Variants in MACROD2 observed in about 807,000 individuals in gnomAD.
MACROD2 encodes mono-ADP ribosylhydrolase 2.
MACROD2 carries 36 observed loss-of-function variants against 70.4 expected under a neutral mutation model. The observed-to-expected ratio is 0.51, with a 90% CI of 0.39 to 0.68. MACROD2 has a LOEUF of 0.68. MACROD2 is among the 30% of genes least tolerant of loss of function. The probability of loss-of-function intolerance (pLI) is 0.00; values close to 1 mark genes in which losing one functional copy is unlikely to be tolerated. For synonymous variants in MACROD2, 172 were observed against 178.8 expected, an observed-to-expected ratio of 0.96 and a Z score of 0.30; for missense variants, 496 against 538.4, an observed-to-expected ratio of 0.92 and a Z score of 0.78.
intron 3 of MACROD2, chr20:14,127,610 C>A: frequency 2.2e-6 from 1 of 446,044 alleles, no homozygotes; most frequent in South Asian, 3.0e-5. Flanking sequence ...TGAATTGAAA[C>A]AAGAGCTAAT....
chr20:15,539,874 G>A (rs1049100828), intron 8 of MACROD2, among the ~76,000 whole-genome samples: 2 of 152,196 alleles, frequency 1.3e-5, no homozygotes, highest in African/African-American at 4.8e-5. Context: ...TGTAGTCCCA[G>A]CTACTTGGGA....
intron 8 of MACROD2, among the ~76,000 whole-genome samples, chr20:15,759,053 C>T (rs1474449968): frequency 7.1e-6 from 1 of 141,650 alleles, no homozygotes; most frequent in Non-Finnish European, 1.5e-5. Flanking sequence ...GAGACTGAGG[C>T]AAAGAATTGC....
At chr20:15,614,750 C>G (rs2049014916) in intron 8 of MACROD2, among the ~76,000 whole-genome samples, 1 of 152,028 alleles carries the variant, frequency 6.6e-6, no homozygotes, top group Admixed American at 6.5e-5. Flanking sequence ...TCTTAAAGAA[C>G]CAGGACTCAG....
At chr20:14,773,356 C>A (rs1009654774) in intron 5 of MACROD2, among the ~76,000 whole-genome samples, 1 of 151,918 alleles carries the variant, frequency 6.6e-6, no homozygotes, top group African/African-American at 2.4e-5. Flanking sequence ...TCTTTTTGAA[C>A]CCTTTGACCA....
chr20:14,096,192 T>C (rs929919180), intron 3 of MACROD2, among the ~76,000 whole-genome samples: 5 of 152,278 alleles, frequency 3.3e-5, no homozygotes, highest in African/African-American at 7.2e-5. Context: ...ACAGAAGAGA[T>C]AGACCTGGAA....
chr20:14,648,315 T>C (rs927931245), intron 4 of MACROD2, among the ~76,000 whole-genome samples: 2 of 152,158 alleles, frequency 1.3e-5, no homozygotes, highest in Non-Finnish European at 2.9e-5. Context: ...AAATAAGATA[T>C]ATTAGGCCAT....
intron 5 of MACROD2, among the ~76,000 whole-genome samples, chr20:15,133,342 C>T (rs1402982018): frequency 1.3e-5 from 2 of 152,012 alleles, no homozygotes; most frequent in Non-Finnish European, 2.9e-5. Context: ...TAGACAAAAA[C>T]AACCAACCTC....
At chr20:14,034,116 C>T (rs942570388) in intron 2 of MACROD2, among the ~76,000 whole-genome samples, 7 of 152,012 alleles carry the variant, frequency 4.6e-5, no homozygotes, top group East Asian at 1.9e-4. Context: ...GGACTACAGG[C>T]GCCCGCCACC....
intron 5 of MACROD2, among the ~76,000 whole-genome samples, chr20:14,944,056 C>T (rs943046986): frequency 2.6e-5 from 4 of 152,160 alleles, no homozygotes; most frequent in African/African-American, 4.8e-5. Context: ...GTCACTATCA[C>T]AATCAGAATA....
intron 8 of MACROD2, among the ~76,000 whole-genome samples, chr20:15,663,749 A>G (rs1332486638): frequency 6.6e-6 from 1 of 152,096 alleles, no homozygotes; most frequent in African/African-American, 2.4e-5. Flanking sequence ...CATGCTTGTA[A>G]ATGAGAATAT....
At chr20:15,641,709 C>A (rs988306859) in intron 8 of MACROD2, among the ~76,000 whole-genome samples, 11 of 152,108 alleles carry the variant, frequency 7.2e-5, no homozygotes, top group Non-Finnish European at 1.6e-4. Flanking sequence ...GAGGCAATTC[C>A]AGTGAGTAAA....
intron 3 of MACROD2, among the ~76,000 whole-genome samples, chr20:14,475,858 TACCCCA>T (rs2084587264): frequency 6.6e-6 from 1 of 152,052 alleles, no homozygotes; most frequent in Admixed American, 6.5e-5. Flanking sequence ...GATATAACAC[TACCCCA>T]AGACCTTTCA....
chr20:14,548,497 T>G (rs1978425768), intron 4 of MACROD2, among the ~76,000 whole-genome samples: 2 of 67,784 alleles, frequency 3.0e-5, no homozygotes, highest in Non-Finnish European at 6.7e-5. Flanking sequence ...GGCGGGCGGA[T>G]CACGAGGTCA....
At chr20:15,127,650 T>C (rs1260508915) in intron 5 of MACROD2, among the ~76,000 whole-genome samples, 1 of 152,106 alleles carries the variant, frequency 6.6e-6, no homozygotes. Context: ...TGCTCACCAC[T>C]TGGCAACTGG....
intron 6 of MACROD2, among the ~76,000 whole-genome samples, chr20:15,324,289 A>G (rs2077903970): frequency 1.3e-5 from 2 of 152,148 alleles, no homozygotes; most frequent in Admixed American, 1.3e-4. Context: ...ATTTAGGTAT[A>G]ACCTGAATTC....
intron 8 of MACROD2, among the ~76,000 whole-genome samples, chr20:15,646,164 T>A (rs1372366735): frequency 6.6e-6 from 1 of 152,176 alleles, no homozygotes; most frequent in African/African-American, 2.4e-5. Flanking sequence ...AACACACCCC[T>A]GAGGCAGTTC....
intron 5 of MACROD2, among the ~76,000 whole-genome samples, chr20:15,194,586 AT>A (rs1418277397): frequency 6.6e-6 from 1 of 152,126 alleles, no homozygotes. Context: ...TGTATATATT[AT>A]TAACTCCTGA....
At chr20:16,023,067 G>A (rs1460262161) in intron 15 of MACROD2, among the ~76,000 whole-genome samples, 1 of 152,130 alleles carries the variant, frequency 6.6e-6, no homozygotes, top group African/African-American at 2.4e-5. Flanking sequence ...ACCTTCCACT[G>A]TAAGAACAAC....
At chr20:16,041,108 T>A in intron 15 of MACROD2, 93 bp from the exon 16 acceptor site, 1 of 1,073,090 alleles carries the variant, frequency 9.3e-7, no homozygotes, top group East Asian at 2.6e-5. Flanking sequence ...TATTTTTGAA[T>A]TTAAAAGGGC....
Sources: gnomAD v4.1 joint callset for allele counts (sites outside exome capture counted in the v4.1 genomes callset) on GRCh38, gnomAD v4.1.1 for gene constraint, MANE v1.5 for transcripts, NCBI Gene and HGNC (gene_info 2026-07-23, HGNC 2026-07-21) for gene names.